Variants in LSAMP observed in about 807,000 individuals in gnomAD.
LSAMP encodes the protein limbic system-associated membrane protein.
Under a neutral mutation model 38.6 loss-of-function variants are expected in LSAMP, and 7 were observed. The ratio of observed to expected loss-of-function variants is 0.18; its 90% CI spans 0.10 to 0.34. The LOEUF is 0.34. LSAMP is among the 10% of genes least tolerant of loss of function. LSAMP has a pLI of 1.00. For synonymous variants in LSAMP, 154 were observed against 166.8 expected (o/e 0.92, Z 0.59); for missense variants, 313 against 420.0 (o/e 0.75, Z 2.23).
At chr3:116,197,395 T>C (rs1241700600) in intron 1 of LSAMP, among the ~76,000 whole-genome samples, 2 of 152,206 alleles carry the variant, frequency 1.3e-5, no homozygotes, top group African/African-American at 2.4e-5. Context: ...ATCATCTTTT[T>C]TTTTAAACTA....
chr3:115,857,365 G>C (rs1028314464), intron 3 of LSAMP, among the ~76,000 whole-genome samples: 1 of 151,974 alleles, frequency 6.6e-6, no homozygotes, highest in African/African-American at 2.4e-5. Context: ...TCAACCCCAG[G>C]GTCCTACCAA....
intron 1 of LSAMP, among the ~76,000 whole-genome samples, chr3:116,141,606 A>T (rs1452504497): frequency 2.0e-5 from 3 of 151,820 alleles, no homozygotes; most frequent in Non-Finnish European, 4.4e-5. Context: ...TGACTATAGC[A>T]ATGGAATCAT....
intron 3 of LSAMP, among the ~76,000 whole-genome samples, chr3:115,976,523 C>G (rs1460767319): frequency 2.0e-5 from 3 of 152,086 alleles, no homozygotes; most frequent in Non-Finnish European, 4.4e-5. Context: ...ATTTCAGAAG[C>G]AATTTTAAAA....
intron 1 of LSAMP, among the ~76,000 whole-genome samples, chr3:116,388,021 G>A (rs1245169420): frequency 4.6e-5 from 7 of 152,050 alleles, no homozygotes; most frequent in African/African-American, 1.7e-4. Flanking sequence ...GGAGAATGGT[G>A]TGAACCTGGG....
At chr3:115,825,963 TA>T (rs1448566040) in intron 6 of LSAMP, among the ~76,000 whole-genome samples, 3 of 152,152 alleles carry the variant, frequency 2.0e-5, no homozygotes, top group Admixed American at 2.0e-4. Flanking sequence ...AACTCTTACG[TA>T]AAAAATATTA....
chr3:115,830,316 G>A (rs1269427210), intron 6 of LSAMP, among the ~76,000 whole-genome samples: 1 of 152,202 alleles, frequency 6.6e-6, no homozygotes, highest in Non-Finnish European at 1.5e-5. Flanking sequence ...TAAAGTAACT[G>A]AGTGTTATAA....
chr3:116,279,713 A>G (rs1461515170), intron 1 of LSAMP, among the ~76,000 whole-genome samples: 1 of 152,182 alleles, frequency 6.6e-6, no homozygotes, highest in African/African-American at 2.4e-5. Context: ...TGCTGAGTAT[A>G]TATTATCTGT....
intron 1 of LSAMP, among the ~76,000 whole-genome samples, chr3:116,263,158 C>G (rs2107660549): frequency 6.6e-6 from 1 of 152,178 alleles, no homozygotes; most frequent in African/African-American, 2.4e-5. Flanking sequence ...ACAAACACAA[C>G]AAAGAATGTA....
chr3:115,935,626 T>A (rs4254653), intron 3 of LSAMP, among the ~76,000 whole-genome samples: 56,714 of 152,014 alleles, frequency 0.37, 11,061 homozygotes, highest in South Asian at 0.61. Flanking sequence ...ACTGCCTTAT[T>A]TCTTTCTGGG....
chr3:116,127,780 TTAA>T (rs1709040115), intron 1 of LSAMP, among the ~76,000 whole-genome samples: 1 of 151,378 alleles, frequency 6.6e-6, no homozygotes, highest in Non-Finnish European at 1.5e-5. Flanking sequence ...TTTCCTTTTT[TTAA>T]TAATGGGAAT....
intron 1 of LSAMP, among the ~76,000 whole-genome samples, chr3:116,382,858 G>C (rs535224501): frequency 6.6e-6 from 1 of 152,084 alleles, no homozygotes; most frequent in Non-Finnish European, 1.5e-5. Context: ...AGTGCCTTAC[G>C]ATGTTGGGTT....
At chr3:116,409,199 C>T (rs116374737) in intron 1 of LSAMP, among the ~76,000 whole-genome samples, 3,769 of 152,120 alleles carry the variant, frequency 0.025, 58 homozygotes, top group South Asian at 0.048. Context: ...TAAGCATTTT[C>T]CCTCTGCATC....
chr3:115,997,850 G>C (rs1256869425), intron 3 of LSAMP, among the ~76,000 whole-genome samples: 1 of 138,982 alleles, frequency 7.2e-6, no homozygotes, highest in Non-Finnish European at 1.5e-5. Flanking sequence ...TATATATTAT[G>C]TATTTTATAT....
intron 1 of LSAMP, among the ~76,000 whole-genome samples, chr3:116,123,224 T>G (rs1228536335): frequency 6.6e-6 from 1 of 152,214 alleles, no homozygotes; most frequent in Non-Finnish European, 1.5e-5. Context: ...TGCCTTCTCA[T>G]CTGGGTATGT....
intron 2 of LSAMP, among the ~76,000 whole-genome samples, chr3:116,022,383 G>A (rs114064546): frequency 2.0e-5 from 3 of 151,488 alleles, no homozygotes; most frequent in Middle Eastern, 3.4e-3. Context: ...ACACCACATC[G>A]TCATTTCCCA....
chr3:116,097,467 AAT>A (rs1708249527), intron 1 of LSAMP, among the ~76,000 whole-genome samples: 2 of 152,256 alleles, frequency 1.3e-5, no homozygotes, highest in Admixed American at 6.5e-5. Flanking sequence ...ACCACATTAT[AAT>A]ATGACTCATC....
At chr3:115,819,216 TGG>T (rs1405642847) in intron 6 of LSAMP, among the ~76,000 whole-genome samples, 1 of 151,682 alleles carries the variant, frequency 6.6e-6, no homozygotes, top group African/African-American at 2.4e-5. Flanking sequence ...GAGGCCGAGG[TGG>T]GCAGATCACG....
At chr3:116,284,597 T>C (rs2047169761) in intron 1 of LSAMP, among the ~76,000 whole-genome samples, 1 of 152,200 alleles carries the variant, frequency 6.6e-6, no homozygotes, top group African/African-American at 2.4e-5. Flanking sequence ...AATCTCTATG[T>C]TTCACCCTTA....
At chr3:116,247,609 T>G (rs976953277) in intron 1 of LSAMP, among the ~76,000 whole-genome samples, 1 of 152,066 alleles carries the variant, frequency 6.6e-6, no homozygotes, top group African/African-American at 2.4e-5. Flanking sequence ...AGAAAGAAGT[T>G]TTGGGACTAT....
Sources: gnomAD v4.1 joint callset for allele counts (sites outside exome capture counted in the v4.1 genomes callset) on GRCh38, gnomAD v4.1.1 for gene constraint, MANE v1.5 for transcripts, NCBI Gene and HGNC (gene_info 2026-07-23, HGNC 2026-07-21) for gene names.